The following TRPS1 variants were observed in gnomAD, a reference collection of about 807,000 sequenced individuals.
TRPS1 encodes zinc finger transcription factor Trps1.
A neutral mutation model predicts 101.2 loss-of-function variants in TRPS1; 6 were observed. The ratio of observed to expected loss-of-function variants is 0.06; its 90% CI spans 0.03 to 0.12. TRPS1 has a LOEUF of 0.12. TRPS1 is among the 10% of genes least tolerant of loss of function. TRPS1 has a pLI of 1.00. For synonymous variants in TRPS1, 578 were observed against 589.8 expected (o/e 0.98, Z 0.29); for missense variants, 1,363 against 1,567.0 (o/e 0.87, Z 2.20).
chr8:115,592,036 T>A (rs1300579830), intron 4 of TRPS1, among the ~76,000 whole-genome samples: 1 of 152,220 alleles, frequency 6.6e-6, no homozygotes, highest in African/African-American at 2.4e-5. Context: ...TATATAAATG[T>A]TAACTACTGA....
chr8:115,491,800 T>C (rs911584880), intron 5 of TRPS1, among the ~76,000 whole-genome samples: 8 of 152,122 alleles, frequency 5.3e-5, no homozygotes, highest in Admixed American at 6.6e-5. Context: ...CTGGAATCAT[T>C]ACACAATGAT....
intron 1 of TRPS1, among the ~76,000 whole-genome samples, chr8:115,653,154 C>T (rs556652743): frequency 5.3e-5 from 8 of 151,992 alleles, no homozygotes; most frequent in Middle Eastern, 6.8e-3. Flanking sequence ...AAGAAGAAAA[C>T]GAGATATTTT....
At chr8:115,534,999 A>ATT (rs1816246005) in intron 5 of TRPS1, among the ~76,000 whole-genome samples, 1 of 149,426 alleles carries the variant, frequency 6.7e-6, no homozygotes, top group Non-Finnish European at 1.5e-5. Flanking sequence ...ATAAATATAT[A>ATT]TAGCATATAT....
At chr8:115,606,807 C>CAA (rs72238288) in intron 3 of TRPS1, among the ~76,000 whole-genome samples, 9 of 123,452 alleles carry the variant, frequency 7.3e-5, no homozygotes, top group Non-Finnish European at 1.4e-4. Flanking sequence ...GTTCATTTGC[C>CAA]AAAAAAAAAA....
intron 5 of TRPS1, among the ~76,000 whole-genome samples, chr8:115,506,651 T>C (rs1463919681): frequency 4.6e-5 from 7 of 152,168 alleles, no homozygotes; most frequent in African/African-American, 1.7e-4. Context: ...AATGAGTCTG[T>C]ATCTTTAAAA....
intron 5 of TRPS1, among the ~76,000 whole-genome samples, chr8:115,456,384 T>G (rs963682169): frequency 1.3e-5 from 2 of 152,160 alleles, no homozygotes; most frequent in Admixed American, 6.5e-5. Context: ...GATTTGACAT[T>G]GCTTTTTTTC....
chr8:115,445,168 C>T (rs1393201051), intron 5 of TRPS1, among the ~76,000 whole-genome samples: 1 of 152,148 alleles, frequency 6.6e-6, no homozygotes, highest in Non-Finnish European at 1.5e-5. Flanking sequence ...GCACTTCATA[C>T]ATTCTTCTCT....
intron 5 of TRPS1, among the ~76,000 whole-genome samples, chr8:115,470,280 G>A (rs1292960376): frequency 6.6e-6 from 1 of 152,094 alleles, no homozygotes; most frequent in East Asian, 1.9e-4. Flanking sequence ...AAGAAATAAT[G>A]CAATGCACAA....
At chr8:115,420,662 A>C (rs745798848) in intron 5 of TRPS1, among the ~76,000 whole-genome samples, 8 of 152,248 alleles carry the variant, frequency 5.3e-5, no homozygotes, top group Non-Finnish European at 5.9e-5. Flanking sequence ...TCTTGCAAAG[A>C]AAATGCCTTT....
chr8:115,416,599 A>C, intron 6 of TRPS1, among the ~76,000 whole-genome samples: 1 of 149,770 alleles, frequency 6.7e-6, no homozygotes, highest in East Asian at 1.9e-4. Flanking sequence ...ATTTAAAAAA[A>C]CATAAATATA....
chr8:115,626,035 C>T (rs1190397615), intron 1 of TRPS1, among the ~76,000 whole-genome samples: 6 of 151,788 alleles, frequency 4.0e-5, no homozygotes, highest in Non-Finnish European at 7.4e-5. Context: ...CTTGTATACA[C>T]ATCAGCATAA....
Position 115,587,564 on chromosome 8 carries a change from T to C in TRPS1, c.2137A>G (p.Thr713Ala), listed in dbSNP as rs1207934389. 6.2e-7 allele frequency: 1 copy of C among 1,614,050 alleles called. No individual in the cohort carries two copies. The highest frequency in any genetic ancestry group is 1.7e-5 in the Admixed American group (1 of 60,010). ...AGTAGTGACTGAGTATCGGCAGCTG[T>C]AAAACTGCACTGACGGCATTTGTAG... The part of the protein sequence containing the change: ...SCYKCRQCSF[T>A]AADTQSLLEH... Residue 713 changes from threonine to alanine, a missense_variant, in exon 5 of 7, where the codon ACA becomes GCA. Transcript: ENST00000395715.
At chr8:115,624,951 A>ATT (rs1818473615) in intron 1 of TRPS1, among the ~76,000 whole-genome samples, 1 of 151,688 alleles carries the variant, frequency 6.6e-6, no homozygotes. Flanking sequence ...TATTTCATAT[A>ATT]TTATATATAA....
intron 5 of TRPS1, among the ~76,000 whole-genome samples, chr8:115,515,612 T>G (rs1815691142): frequency 6.6e-6 from 1 of 151,464 alleles, no homozygotes; most frequent in Non-Finnish European, 1.5e-5. Context: ...TGTAAAAAGT[T>G]ATATTCTAAG....
rs752480956 is a variant in TRPS1, at chr8:115,619,871, T to C, written c.227A>G (p.His76Arg). 105 of 1,614,100 alleles carry C rather than the reference T, an allele frequency of 6.5e-5. 1 individual carries two copies. In the East Asian group the frequency reaches 2.0e-3, roughly 31 times the overall value. The change falls in exon 3 of 7, where the codon CAT becomes CGT. Residue 76 changes from histidine (H) to arginine (R), a missense_variant. His to Arg is a conservative substitution (Grantham distance 29). Transcript: ENST00000395715. ...ELNHKEEHSLHVQDPSSSSKK... is the reference protein window; with the variant it reads ...ELNHKEEHSLRVQDPSSSSKK... ...ACTGCTAGAAGATGGATCTTGAACA[T>C]GCAAGCTATGTTCCTCCTTATGATT...
chr8:115,498,614 T>C (rs1397543197), intron 5 of TRPS1, among the ~76,000 whole-genome samples: 2 of 151,702 alleles, frequency 1.3e-5, no homozygotes, highest in Non-Finnish European at 2.9e-5. Flanking sequence ...GTAGAAGCCA[T>C]GCATATATAT....
At chr8:115,510,077 C>G (rs1815544567) in intron 5 of TRPS1, among the ~76,000 whole-genome samples, 1 of 152,010 alleles carries the variant, frequency 6.6e-6, no homozygotes, top group Non-Finnish European at 1.5e-5. Context: ...GACTCCAATT[C>G]TATTTCCTAA....
intron 1 of TRPS1, among the ~76,000 whole-genome samples, chr8:115,666,906 A>G (rs990673775): frequency 9.5e-5 from 14 of 147,610 alleles, no homozygotes; most frequent in Admixed American, 8.6e-4. Context: ...CAAAAGTTCA[A>G]TGAATCTACA....
intron 5 of TRPS1, among the ~76,000 whole-genome samples, chr8:115,520,630 T>C (rs1013615652): frequency 6.6e-6 from 1 of 151,872 alleles, no homozygotes; most frequent in African/African-American, 2.4e-5. Flanking sequence ...TCTTTTAATA[T>C]ACACTAGGGA....
Sources: gnomAD v4.1 joint callset for allele counts (sites outside exome capture counted in the v4.1 genomes callset) on GRCh38, gnomAD v4.1.1 for gene constraint, MANE v1.5 for transcripts, NCBI Gene and HGNC (gene_info 2026-07-23, HGNC 2026-07-21) for gene names.